AUTS2: variants seen among roughly 807,000 people sequenced by gnomAD.
AUTS2 encodes autism susceptibility gene 2 protein.
Under a neutral mutation model 112.4 loss-of-function variants are expected in AUTS2, and 17 were observed. That is an observed-to-expected ratio of 0.15 (90% CI 0.10 to 0.23). AUTS2 has a LOEUF of 0.23. Ranked by LOEUF, AUTS2 falls within the 10% of genes least tolerant of loss-of-function variation. The pLI is 1.00. For missense variants in AUTS2, 1,510 were observed against 1,701.6 expected (o/e 0.89, Z 1.98); for synonymous variants, 751 against 702.7 (o/e 1.07, Z -1.09).
In AUTS2 at chr7:69,872,834, C is replaced by CTTTTT. The variant is rs1164356683; in HGVS notation, c.310-26430_310-26426dup. On this transcript the variant is annotated intron_variant, in intron 1 of 18. Transcript: ENST00000342771. ...GGTGGCACTTGATGTAGCCTATATT[C>CTTTTT]TTTTTTTTTTTTTTTTTTTTTTTTT... 8.4e-4 allele frequency among the ~76,000 whole-genome samples: 59 copies of CTTTTT among 70,420 alleles called. 7 individuals carry two copies. Among genetic ancestry groups the CTTTTT allele is most frequent in the African/African-American group, 2.1e-3 (34 of 16,054 alleles). 46.2% of individuals were successfully genotyped at this position (70,420 alleles called of 152,430 possible).
chr7:70,435,325 T>G (rs1253195842), intron 4 of AUTS2, among the ~76,000 whole-genome samples: 1 of 152,244 alleles, frequency 6.6e-6, no homozygotes, highest in African/African-American at 2.4e-5. Context: ...GCCATTCACA[T>G]TAGCTGAAGA....
At chr7:69,758,595 A>G (rs1048364326) in intron 1 of AUTS2, among the ~76,000 whole-genome samples, 3 of 152,220 alleles carry the variant, frequency 2.0e-5, no homozygotes, top group Admixed American at 1.3e-4. Flanking sequence ...AAATGTTCAC[A>G]TTCAGTGAAA....
chr7:70,431,765 G>T (rs1795681758), intron 4 of AUTS2, among the ~76,000 whole-genome samples: 1 of 152,232 alleles, frequency 6.6e-6, no homozygotes, highest in African/African-American at 2.4e-5. Context: ...GGGAAAGGAA[G>T]ACTGTGCCTC....
intron 5 of AUTS2, among the ~76,000 whole-genome samples, chr7:70,497,873 T>C (rs1451825525): frequency 6.6e-6 from 1 of 152,154 alleles, no homozygotes; most frequent in Non-Finnish European, 1.5e-5. Context: ...ACTCTGCTAT[T>C]AACAAATGTT....
At chr7:70,411,990 G>T (rs1470041645) in intron 4 of AUTS2, among the ~76,000 whole-genome samples, 1 of 150,664 alleles carries the variant, frequency 6.6e-6, no homozygotes, top group East Asian at 2.0e-4. Flanking sequence ...CACCTCGTGG[G>T]TTCAAGCAAT....
At chr7:70,130,160 GAAGAATTTA>G (rs1312874235) in intron 3 of AUTS2, among the ~76,000 whole-genome samples, 3 of 152,108 alleles carry the variant, frequency 2.0e-5, no homozygotes. Context: ...TAGCGATTTG[GAAGAATTTA>G]AAAATATTCA....
intron 4 of AUTS2, among the ~76,000 whole-genome samples, chr7:70,327,240 G>A (rs1790534530): frequency 1.3e-5 from 2 of 152,086 alleles, no homozygotes; most frequent in African/African-American, 2.4e-5. Flanking sequence ...CATAATGAGG[G>A]CATCCATGGA....
chr7:69,646,261 A>G (rs1260685516), intron 1 of AUTS2, among the ~76,000 whole-genome samples: 1 of 152,184 alleles, frequency 6.6e-6, no homozygotes, highest in Non-Finnish European at 1.5e-5. Flanking sequence ...TTCTCCTTAT[A>G]CAAGGATTTT....
intron 4 of AUTS2, among the ~76,000 whole-genome samples, chr7:70,323,523 A>G (rs1340489807): frequency 6.6e-6 from 1 of 152,220 alleles, no homozygotes; most frequent in Non-Finnish European, 1.5e-5. Context: ...CAGACCTCTT[A>G]GAGGGTAAAA....
intron 1 of AUTS2, among the ~76,000 whole-genome samples, chr7:69,821,294 G>A (rs950507128): frequency 3.3e-5 from 5 of 152,116 alleles, no homozygotes; most frequent in African/African-American, 1.2e-4. Flanking sequence ...GACGTCCTGG[G>A]TCGAGTGGGG....
chr7:70,282,132 G>A (rs1184045874), intron 4 of AUTS2, among the ~76,000 whole-genome samples: 3 of 152,134 alleles, frequency 2.0e-5, no homozygotes, highest in Non-Finnish European at 2.9e-5. Context: ...TGTTAACCTT[G>A]TGGGGCTTGC....
At chr7:70,158,539 G>T (rs535592340) in intron 4 of AUTS2, among the ~76,000 whole-genome samples, 76 of 152,276 alleles carry the variant, frequency 5.0e-4, no homozygotes, top group African/African-American at 1.8e-3. Flanking sequence ...AGGCAGTATA[G>T]GGGAGTGAAT....
At chr7:70,171,739 A>C (rs1397645276) in intron 4 of AUTS2, among the ~76,000 whole-genome samples, 1 of 152,238 alleles carries the variant, frequency 6.6e-6, no homozygotes, top group African/African-American at 2.4e-5. Context: ...CCCCATGGGA[A>C]AGATTCAGCA....
chr7:70,369,808 TCTC>T (rs1792757706), intron 4 of AUTS2, among the ~76,000 whole-genome samples: 1 of 152,174 alleles, frequency 6.6e-6, no homozygotes, highest in Admixed American at 6.5e-5. Context: ...CCAGGTATCT[TCTC>T]CTCATCTACT....
chr7:69,985,226 C>CT (rs1043636726), intron 2 of AUTS2, among the ~76,000 whole-genome samples: 25 of 98,656 alleles, frequency 2.5e-4, no homozygotes, highest in African/African-American at 8.0e-4. Context: ...GGAAGACTCT[C>CT]TAAAAAAAAA....
chr7:70,303,434 G>GCGCGCGCGCACACACA (rs1241517255), intron 4 of AUTS2, among the ~76,000 whole-genome samples: 4 of 141,948 alleles, frequency 2.8e-5, no homozygotes, highest in African/African-American at 7.9e-5. Flanking sequence ...GCGCGCGCGC[G>GCGCGCGCGCACACACA]CACATACACA....
intron 2 of AUTS2, among the ~76,000 whole-genome samples, chr7:70,080,812 A>T (rs1381923593): frequency 1.3e-5 from 2 of 152,204 alleles, no homozygotes; most frequent in Non-Finnish European, 2.9e-5. Context: ...TGAAGTCAGG[A>T]TTTTAAATGC....
At chr7:70,695,426 G>T (rs1174200743) in intron 5 of AUTS2, among the ~76,000 whole-genome samples, 1 of 152,260 alleles carries the variant, frequency 6.6e-6, no homozygotes, top group African/African-American at 2.4e-5. Context: ...TCCCCAGCGC[G>T]GAGGTCGGGA....
At chr7:69,858,631 C>G (rs998247038) in intron 1 of AUTS2, among the ~76,000 whole-genome samples, 2 of 152,204 alleles carry the variant, frequency 1.3e-5, no homozygotes, top group African/African-American at 2.4e-5. Flanking sequence ...CTCTCTCTCT[C>G]TGTCCCATGT....
Sources: allele counts gnomAD v4.1 joint callset (sites outside exome capture counted in the v4.1 genomes callset), GRCh38; gene constraint gnomAD v4.1.1; transcripts MANE v1.5; gene names NCBI Gene and HGNC (gene_info 2026-07-23, HGNC 2026-07-21).